The following PHKA2 variants were observed in gnomAD, a reference collection of about 807,000 sequenced individuals.
The protein encoded by PHKA2 is phosphorylase b kinase regulatory subunit alpha, liver isoform.
In PHKA2, 31 loss-of-function variants were observed where a neutral mutation model predicts 102.0. The observed-to-expected ratio is 0.30, with a 90% CI of 0.23 to 0.41. PHKA2 has a LOEUF of 0.41. Among genes scored for constraint, PHKA2 ranks in the 10% least tolerant of loss-of-function variants. The pLI is 1.00. For synonymous variants in PHKA2, 455 were observed against 416.2 expected (o/e 1.09, Z -1.13); for missense variants, 858 against 1,023.1 (o/e 0.84, Z 2.20).
At chrX:18,955,226 A>C (rs755077563) in intron 1 of PHKA2, among the ~76,000 whole-genome samples, 1 of 112,562 alleles carries the variant, frequency 8.9e-6, no homozygotes, top group African/African-American at 3.2e-5. Context: ...ACCCTAAGTG[A>C]AAGAAGCCAG....
At chrX:18,925,444 C>T (rs183346956) in intron 15 of PHKA2, among the ~76,000 whole-genome samples, 1 of 112,178 alleles carries the variant, frequency 8.9e-6, no homozygotes, top group East Asian at 2.8e-4. Flanking sequence ...CTAAAGCAGT[C>T]TGAATTTCAC....
At chrX:18,899,389 CA>C (rs778501831) in intron 28 of PHKA2, among the ~76,000 whole-genome samples, 163 bp from the exon 29 acceptor site, 8 of 112,590 alleles carry the variant, frequency 7.1e-5, no homozygotes, top group African/African-American at 2.6e-4. Flanking sequence ...AGCTCAGGTG[CA>C]GGGGCACCTG....
chrX:18,922,269 C>T (rs753492766), intron 17 of PHKA2, among the ~76,000 whole-genome samples: 5 of 111,702 alleles, frequency 4.5e-5, no homozygotes, highest in Admixed American at 9.5e-5. Context: ...AATTATTTTG[C>T]AAAATGGTTA....
intron 1 of PHKA2, among the ~76,000 whole-genome samples, chrX:18,977,716 C>T (rs1036602645): frequency 4.5e-5 from 5 of 111,849 alleles, no homozygotes; most frequent in African/African-American, 1.6e-4. Flanking sequence ...AAAGTCTACT[C>T]GGTCTGATAT....
At chrX:18,929,097 C>G (rs1053313403) in intron 13 of PHKA2, 131 bp downstream of exon 13, 1 of 502,742 alleles carries the variant, frequency 2.0e-6, no homozygotes, top group Non-Finnish European at 3.5e-6. Flanking sequence ...GCATCTCACA[C>G]AACTGCTACA....
intron 21 of PHKA2, 99 bp from the exon 22 acceptor site, chrX:18,908,155 A>G: frequency 3.7e-6 from 3 of 809,057 alleles, no homozygotes; most frequent in Non-Finnish European, 5.6e-6. Context: ...GGGCTCTCCC[A>G]GTGCCCCTGA....
chrX:18,911,414 C>G (rs2047924754), intron 19 of PHKA2, among the ~76,000 whole-genome samples: 1 of 111,133 alleles, frequency 9.0e-6, no homozygotes, highest in Admixed American at 9.6e-5. Context: ...CTCAGGTGAT[C>G]TGCCCACCTC....
At chrX:18,964,216 C>T (rs190135769) in intron 1 of PHKA2, among the ~76,000 whole-genome samples, 2 of 110,925 alleles carry the variant, frequency 1.8e-5, no homozygotes, top group Admixed American at 1.9e-4. Flanking sequence ...CACTTCCGGG[C>T]CTGTGCACAC....
Position 18,905,763 on chromosome X carries a change from C to T in PHKA2, c.2903G>A (p.Arg968Lys). 3 of 1,191,537 alleles carry T rather than the reference C, an allele frequency of 2.5e-6. No homozygotes were observed. Among genetic ancestry groups the T allele is most frequent in the Non-Finnish European group, 2.3e-6 (2 of 876,754 alleles). Residue 968 changes from arginine to lysine, a missense_variant, in exon 26 of 33, where the codon AGA (arginine) becomes AAA (lysine). Transcript: ENST00000379942. ...ILSGKEFGVE[R>K]SVRPIHSSTS... is the part of the protein sequence containing the mutation. ...AACAGGAGCATGGAACTTACCACTT[C>T]TTTCAACGCCAAACTCTTTCCCACT...
rs1200955306 is a variant in PHKA2 at position 18,916,427 on chromosome X, C to T, written c.2137+2254G>A. Among the ~76,000 whole-genome samples, 43 of 111,905 alleles carry T rather than the reference C, an allele frequency of 3.8e-4. No homozygotes were observed. In the Admixed American group the frequency reaches 4.1e-3, roughly 11 times the overall value. On this transcript the variant is annotated intron_variant, in intron 19 of 32. Coordinates refer to ENST00000379942, the MANE Select transcript of PHKA2 (RefSeq NM_000292.3). ...CTGGCCTGGGCGACAGAGTGATACTCTTGTCTCAAACAATCAGAATGGGTT... is the reference window on the plus strand; with the variant it reads ...CTGGCCTGGGCGACAGAGTGATACTTTTGTCTCAAACAATCAGAATGGGTT...
At chrX:18,909,407 T>C (rs1441563410) in intron 20 of PHKA2, among the ~76,000 whole-genome samples, 2 of 111,869 alleles carry the variant, frequency 1.8e-5, no homozygotes, top group Non-Finnish European at 3.8e-5. Flanking sequence ...TTGGAAAAAT[T>C]GTAGTTTCAG....
chrX:18,933,992 G>A (rs1473972832), intron 11 of PHKA2, among the ~76,000 whole-genome samples: 1 of 112,016 alleles, frequency 8.9e-6, no homozygotes, highest in Non-Finnish European at 1.9e-5. Flanking sequence ...AGAACTGGAC[G>A]GCTCTTCTCT....
chrX:18,963,834 C>T (rs942074627), intron 1 of PHKA2, among the ~76,000 whole-genome samples: 1 of 111,707 alleles, frequency 9.0e-6, no homozygotes, highest in African/African-American at 3.3e-5. Flanking sequence ...TGTCATCTAC[C>T]CACCAGAAAT....
At chrX:18,898,883 G>A (rs769145014) in intron 29 of PHKA2, among the ~76,000 whole-genome samples, 10 of 111,965 alleles carry the variant, frequency 8.9e-5, no homozygotes, top group South Asian at 3.7e-4. Flanking sequence ...CTAATGCCCC[G>A]AAGTTTCCAG....
rs2047816945 is a variant in PHKA2 at position 18,906,599 on chromosome X, T to C, written c.2702A>G (p.Tyr901Cys). ...TQEIVVYLAMYVRAQPSLFVE... is the reference protein window; with the variant it reads ...TQEIVVYLAMCVRAQPSLFVE... ...AAAGAGGCTGGGCTGCGCCCTGACA[T>C]ACATGGCCAGGTAAACCACAATCTC... The change falls in exon 25 of 33, where the codon TAT becomes TGT. Residue 901 changes from tyrosine (Y) to cysteine (C), a missense_variant. Physicochemically the swap from Tyr to Cys is radical, Grantham distance 194. This residue lies in a region of PHKA2 where 671 missense variants were observed against 745.2 expected (regional missense o/e 0.90). Coordinates refer to ENST00000379942, the MANE Select transcript of PHKA2 (RefSeq NM_000292.3). 2.5e-6 allele frequency: 3 copies of C among 1,198,290 alleles called. No individual in the cohort carries two copies. Among genetic ancestry groups the C allele is most frequent in the Non-Finnish European group, 3.4e-6 (3 of 883,691 alleles).
chrX:18,931,232 G>A (rs2048310084), intron 12 of PHKA2, among the ~76,000 whole-genome samples: 1 of 112,006 alleles, frequency 8.9e-6, no homozygotes, highest in Admixed American at 9.4e-5. Flanking sequence ...AGAGATCTGT[G>A]GCCCTTGTGC....
intron 19 of PHKA2, among the ~76,000 whole-genome samples, chrX:18,917,558 CA>C (rs976254301): frequency 1.8e-5 from 2 of 110,914 alleles, no homozygotes; most frequent in Non-Finnish European, 3.8e-5. Flanking sequence ...CACGCCCAGC[CA>C]AAAAAATGTA....
At chrX:18,982,783 G>A (rs1407870234) in intron 1 of PHKA2, among the ~76,000 whole-genome samples, 1 of 111,912 alleles carries the variant, frequency 8.9e-6, no homozygotes, top group African/African-American at 3.3e-5. Context: ...TCAGTGAGCC[G>A]AGATCGCGCC....
At chrX:18,928,283 G>GT (rs1311760640) in intron 13 of PHKA2, among the ~76,000 whole-genome samples, 1 of 111,518 alleles carries the variant, frequency 9.0e-6, no homozygotes. Context: ...TCAGAATGCT[G>GT]TGACAGGTGT....
Sources: allele counts gnomAD v4.1 joint callset (sites outside exome capture counted in the v4.1 genomes callset), GRCh38; gene constraint gnomAD v4.1.1; regional missense constraint gnomAD v4.1.1; transcripts MANE v1.5; gene names NCBI Gene and HGNC (gene_info 2026-07-23, HGNC 2026-07-21).